Variants in LRP5 observed in about 807,000 individuals in gnomAD.
LRP5 encodes the protein LDL receptor related protein 5.
Under a neutral mutation model 154.1 loss-of-function variants are expected in LRP5, and 62 were observed. The ratio of observed to expected loss-of-function variants is 0.40; its 90% CI spans 0.33 to 0.50. LRP5 has a LOEUF of 0.50. LRP5 is among the 20% of genes least tolerant of loss of function. LRP5 has a pLI of 0.55. For missense variants in LRP5, 1,915 were observed against 2,336.7 expected (o/e 0.82, Z 3.72); for synonymous variants, 966 against 1,011.5 (o/e 0.96, Z 0.85).
intron 1 of LRP5, among the ~76,000 whole-genome samples, chr11:68,332,796 G>A (rs1045683954): frequency 4.6e-5 from 7 of 152,102 alleles, no homozygotes; most frequent in Non-Finnish European, 7.4e-5. Context: ...GTGGATGGAT[G>A]GACGGATGGA....
At chr11:68,314,247 G>A (rs2098591265) in intron 1 of LRP5, among the ~76,000 whole-genome samples, 3 of 152,128 alleles carry the variant, frequency 2.0e-5, no homozygotes, top group African/African-American at 7.2e-5. Context: ...GCAGTTTTGG[G>A]TTTTGTGCAC....
Position 68,448,852 on chromosome 11 carries a change from A to G in LRP5, c.4630A>G (p.Ser1544Gly), listed in dbSNP as rs1364296647. ...RGMAPPTTPC[S>G]TDVCDSDYSA... ...AATGGCGCCCCCGACGACGCCCTGC[A>G]GCACCGACGTGTGTGACAGCGACTA... Residue 1544 changes from serine to glycine, a missense_variant, in exon 23 of 23, where the codon AGC becomes GGC. By Grantham distance (56) the Ser-to-Gly change is moderately conservative. Transcript: ENST00000294304. 1.2e-6 allele frequency: 2 copies of G among 1,611,530 alleles called. No homozygotes were observed. The highest frequency in any genetic ancestry group is 1.7e-5 in the Admixed American group (1 of 59,994).
At chr11:68,349,343 T>A (rs534115055) in intron 2 of LRP5, among the ~76,000 whole-genome samples, 3 of 152,236 alleles carry the variant, frequency 2.0e-5, no homozygotes, top group African/African-American at 7.2e-5. Context: ...CATAGTTATG[T>A]TCCTTTTTAA....
chr11:68,356,638 C>T (rs144887547), intron 2 of LRP5, among the ~76,000 whole-genome samples: 9 of 152,278 alleles, frequency 5.9e-5, no homozygotes, highest in African/African-American at 1.4e-4. Context: ...CCAAAATCCA[C>T]GTTTACACGA....
At chr11:68,347,377 G>C (rs1467655673) in intron 1 of LRP5, among the ~76,000 whole-genome samples, 1 of 152,208 alleles carries the variant, frequency 6.6e-6, no homozygotes, top group African/African-American at 2.4e-5. Context: ...CCTGGGCTCT[G>C]AACCCCTCAA....
At chr11:68,332,422 G>A (rs765559914) in intron 1 of LRP5, among the ~76,000 whole-genome samples, 1 of 152,210 alleles carries the variant, frequency 6.6e-6, no homozygotes, top group Non-Finnish European at 1.5e-5. Context: ...TCTGCACCGG[G>A]CCCTGCTCTG....
At chr11:68,365,274 G>A (rs1158397052) in intron 4 of LRP5, among the ~76,000 whole-genome samples, 31 of 244 alleles carry the variant, frequency 0.13, no homozygotes, top group African/African-American at 0.26. Context: ...AGCAGATGGG[G>A]AGATGTCACT....
intron 15 of LRP5, 103 bp downstream of exon 15, chr11:68,425,395 G>C: frequency 8.4e-7 from 1 of 1,195,288 alleles, no homozygotes; most frequent in Non-Finnish European, 1.2e-6. Flanking sequence ...GCCCAGTGCC[G>C]CGCCAGGGGC....
rs1228183867 is a variant in LRP5, at chr11:68,389,734, C to T, written c.1413-147C>T. ...TACCAACACCGACATTTACGAGCAC[C>T]GACATTTACTGACACCAATATTTAC... On this transcript the variant is annotated intron_variant, in intron 6 of 22. Transcript: ENST00000294304. 3.5e-5 allele frequency: 28 copies of T among 791,282 alleles called. No individual in the cohort carries two copies. In the East Asian group the frequency reaches 4.3e-4, roughly 12 times the overall value. 49.0% of individuals were successfully genotyped at this position (791,282 alleles called of 1,614,324 possible). A position where few individuals can be genotyped will look rare whatever the true frequency, so the allele number is the denominator to read the frequency against.
At chr11:68,404,246 G>A (rs2098654274) in intron 8 of LRP5, 1 of 518,880 alleles carries the variant, frequency 1.9e-6, no homozygotes, top group South Asian at 1.5e-5. Context: ...ACTGGAGAGA[G>A]CAGCATCCAG....
intron 18 of LRP5, among the ~76,000 whole-genome samples, chr11:68,436,089 C>T (rs1053433750): frequency 2.0e-4 from 31 of 152,192 alleles, no homozygotes; most frequent in Non-Finnish European, 3.8e-4. Context: ...CCCCTCGTCC[C>T]GCTCTAGCTT....
chr11:68,300,127 C>T, the LRP5 span, among the ~76,000 whole-genome samples: 778 of 149,176 alleles, frequency 5.2e-3, 38 homozygotes, highest in East Asian at 0.072. Context: ...ATGATCCGCC[C>T]ACCTTGGCCT....
intron 1 of LRP5, among the ~76,000 whole-genome samples, chr11:68,329,243 T>C (rs111805089): frequency 2.6e-5 from 4 of 152,190 alleles, no homozygotes; most frequent in African/African-American, 9.7e-5. Flanking sequence ...CTAGACTTCA[T>C]AGACAAAAAT....
chr11:68,446,362 C>T (rs1309801593), intron 21 of LRP5, 74 bp from the exon 22 acceptor site: 14 of 1,047,810 alleles, frequency 1.3e-5, no homozygotes, highest in South Asian at 7.5e-5. Flanking sequence ...AAGGAAAGCC[C>T]GAGGGGTGTG....
At chr11:68,429,856 T>C (rs2098670957) in intron 17 of LRP5, among the ~76,000 whole-genome samples, 156 bp downstream of exon 17, 1 of 152,266 alleles carries the variant, frequency 6.6e-6, no homozygotes, top group Non-Finnish European at 1.5e-5. Flanking sequence ...TCTTTTCTAC[T>C]ATGTGCATTC....
chr11:68,390,315 C>T (rs1170971181), intron 7 of LRP5, among the ~76,000 whole-genome samples: 3 of 152,240 alleles, frequency 2.0e-5, no homozygotes, highest in Admixed American at 6.5e-5. Context: ...GTGGGAGGAT[C>T]GCTGGAGTCC....
intron 9 of LRP5, among the ~76,000 whole-genome samples, chr11:68,408,242 A>ATTTTT (rs11299690): frequency 1.3e-4 from 7 of 52,112 alleles, no homozygotes; most frequent in Non-Finnish European, 1.8e-4. Context: ...CTCCTGGCTG[A>ATTTTT]TTTTTTTTTT....
At chr11:68,314,514 C>A (rs1343595105) in intron 1 of LRP5, among the ~76,000 whole-genome samples, 2 of 152,242 alleles carry the variant, frequency 1.3e-5, no homozygotes, top group African/African-American at 4.8e-5. Flanking sequence ...ATACATGCCT[C>A]GGACCTCAGC....
chr11:68,361,658 A>T (rs761194348), intron 3 of LRP5, among the ~76,000 whole-genome samples: 30 of 151,972 alleles, frequency 2.0e-4, no homozygotes, highest in Admixed American at 7.2e-4. Context: ...AACAAAAAAA[A>T]ATAAAATTAG....
Sources: allele counts gnomAD v4.1 joint callset (sites outside exome capture counted in the v4.1 genomes callset), GRCh38; gene constraint gnomAD v4.1.1; transcripts MANE v1.5; gene names NCBI Gene and HGNC (gene_info 2026-07-23, HGNC 2026-07-21).